Variants in FAM135B observed in about 807,000 individuals in gnomAD.
The protein encoded by FAM135B is family with sequence similarity 135 member B, also known as protein FAM135B.
FAM135B carries 43 observed loss-of-function variants against 127.7 expected under a neutral mutation model. The ratio of observed to expected loss-of-function variants is 0.34; its 90% CI spans 0.26 to 0.43. The LOEUF (loss-of-function observed/expected upper bound fraction) is 0.43. FAM135B is among the 20% of genes least tolerant of loss of function. The pLI, the probability that FAM135B is intolerant of heterozygous loss-of-function variation, is 1.00. For missense variants in FAM135B, 1,558 were observed against 1,725.6 expected, an observed-to-expected ratio of 0.90 and a Z score of 1.72; for synonymous variants, 670 against 665.1, an observed-to-expected ratio of 1.01 and a Z score of -0.11.
At chr8:138,137,463 TG>T (rs1285493163) in intron 18 of FAM135B, among the ~76,000 whole-genome samples, 1 of 152,052 alleles carries the variant, frequency 6.6e-6, no homozygotes, top group East Asian at 1.9e-4. Context: ...CGGGGGCCTA[TG>T]GGAGGTTGAG....
At chr8:138,335,175 A>C (rs1828475517) in intron 2 of FAM135B, among the ~76,000 whole-genome samples, 2 of 152,164 alleles carry the variant, frequency 1.3e-5, no homozygotes, top group African/African-American at 4.8e-5. Flanking sequence ...CATGACCTAC[A>C]GGGCAGGATT....
At chr8:138,338,938 T>G (rs112199868) in intron 2 of FAM135B, among the ~76,000 whole-genome samples, 2 of 151,510 alleles carry the variant, frequency 1.3e-5, no homozygotes, top group Admixed American at 6.6e-5. Flanking sequence ...CCATAAAAAA[T>G]GATGAGTTCA....
intron 1 of FAM135B, among the ~76,000 whole-genome samples, chr8:138,428,683 G>A (rs1287492696): frequency 6.6e-6 from 1 of 152,062 alleles, no homozygotes; most frequent in Non-Finnish European, 1.5e-5. Flanking sequence ...CACCACAAAA[G>A]CTACCTCCTT....
At chr8:138,368,101 A>C in intron 1 of FAM135B, 99 bp from the exon 2 acceptor site, 1 of 782,166 alleles carries the variant, frequency 1.3e-6, no homozygotes, top group Non-Finnish European at 2.2e-6. Context: ...AACAGGACCA[A>C]CAGGAGTAGC....
chr8:138,451,936 T>C (rs1424258060), intron 1 of FAM135B, among the ~76,000 whole-genome samples: 1 of 152,162 alleles, frequency 6.6e-6, no homozygotes, highest in Non-Finnish European at 1.5e-5. Flanking sequence ...TGATGGCTGA[T>C]GGCACAGCCC....
At chr8:138,176,223 T>C (rs1014434805) in intron 11 of FAM135B, among the ~76,000 whole-genome samples, 1 of 152,264 alleles carries the variant, frequency 6.6e-6, no homozygotes, top group Admixed American at 6.5e-5. Flanking sequence ...GTCTCCTCTG[T>C]GTGTGCTCAC....
intron 2 of FAM135B, among the ~76,000 whole-genome samples, chr8:138,344,753 T>G (rs1829296327): frequency 6.6e-6 from 1 of 152,024 alleles, no homozygotes; most frequent in African/African-American, 2.4e-5. Context: ...TTTTTTGTAT[T>G]TTTAGTAGAG....
At chr8:138,257,791 T>A (rs1388605521) in intron 4 of FAM135B, among the ~76,000 whole-genome samples, 1 of 152,084 alleles carries the variant, frequency 6.6e-6, no homozygotes, top group Non-Finnish European at 1.5e-5. Context: ...CCCATAGTAT[T>A]TTTGAAAATG....
At chr8:138,316,781 C>A (rs1481330953) in intron 2 of FAM135B, among the ~76,000 whole-genome samples, 2 of 151,828 alleles carry the variant, frequency 1.3e-5, no homozygotes, top group African/African-American at 4.8e-5. Context: ...GAGATGGAGA[C>A]CATCCTGGCT....
intron 1 of FAM135B, among the ~76,000 whole-genome samples, chr8:138,408,365 AC>A (rs1372287195): frequency 1.3e-5 from 2 of 152,086 alleles, no homozygotes; most frequent in Admixed American, 1.3e-4. Context: ...TTGTTCCTTC[AC>A]CTTGCAGTTT....
Position 138,131,504 on chromosome 8 carries a change from A to G in FAM135B, c.*1089T>C, listed in dbSNP as rs570450663. The G allele has an allele frequency of 6.5e-6, 1 of 152,682 alleles. No homozygotes were observed. Among genetic ancestry groups the G allele is most frequent in the Admixed American group, 6.5e-5 (1 of 15,290 alleles). The allele number at this position is 152,682 out of a possible 1,614,324, so 9.5% of individuals were successfully genotyped here. On this transcript the variant is annotated 3_prime_UTR_variant, in exon 20 of 20. Transcript: ENST00000395297. ...TTGTCCCTGTCGTCTATTGGTTTTT[A>G]TCAACGCAGTGACCTTTCCTAGCCC...
chr8:138,453,070 G>A (rs1325198468), intron 1 of FAM135B, among the ~76,000 whole-genome samples: 1 of 152,054 alleles, frequency 6.6e-6, no homozygotes, highest in Admixed American at 6.6e-5. Context: ...CAGGAAGTGG[G>A]GATCATGGAG....
intron 9 of FAM135B, among the ~76,000 whole-genome samples, chr8:138,186,719 A>G (rs746731997): frequency 2.6e-5 from 4 of 152,214 alleles, no homozygotes; most frequent in African/African-American, 4.8e-5. Flanking sequence ...CAAAACCAAG[A>G]GCCGGTAGTC....
At chr8:138,270,870 C>G (rs1370715666) in intron 3 of FAM135B, among the ~76,000 whole-genome samples, 1 of 152,208 alleles carries the variant, frequency 6.6e-6, no homozygotes. Context: ...TGAGTTATAA[C>G]CTGGGAGCTC....
intron 17 of FAM135B, among the ~76,000 whole-genome samples, chr8:138,139,875 T>C (rs1296559505): frequency 6.6e-6 from 1 of 152,204 alleles, no homozygotes; most frequent in African/African-American, 2.4e-5. Context: ...ATTAATCTGA[T>C]AGAAACACAA....
At chr8:138,348,666 G>GTTTCTGGT (rs1240486178) in intron 2 of FAM135B, among the ~76,000 whole-genome samples, 1 of 152,162 alleles carries the variant, frequency 6.6e-6, no homozygotes, top group East Asian at 1.9e-4. Context: ...TTAGAAAACA[G>GTTTCTGGT]TTTCTGGTAG....
At chr8:138,359,562 C>T (rs980726289) in intron 2 of FAM135B, among the ~76,000 whole-genome samples, 3 of 152,206 alleles carry the variant, frequency 2.0e-5, no homozygotes, top group Non-Finnish European at 4.4e-5. Flanking sequence ...CAAAGCTGAA[C>T]ACTCAATGCA....
At chr8:138,426,637 A>G (rs1834906623) in intron 1 of FAM135B, among the ~76,000 whole-genome samples, 1 of 151,804 alleles carries the variant, frequency 6.6e-6, no homozygotes, top group African/African-American at 2.4e-5. Flanking sequence ...TAGAATGGGT[A>G]ATTGAATTGT....
At chr8:138,444,509 G>A (rs376271827) in intron 1 of FAM135B, among the ~76,000 whole-genome samples, 2,149 of 152,034 alleles carry the variant, frequency 0.014, 47 homozygotes, top group African/African-American at 0.048. Context: ...ACTCAAAACC[G>A]CTCAACTACA....
Sources: allele counts gnomAD v4.1 joint callset (sites outside exome capture counted in the v4.1 genomes callset), GRCh38; gene constraint gnomAD v4.1.1; transcripts MANE v1.5; gene names NCBI Gene and HGNC (gene_info 2026-07-23, HGNC 2026-07-21).